PTGER4: variants seen among roughly 807,000 people sequenced by gnomAD.
PTGER4 encodes prostaglandin E2 receptor EP4 subtype.
Under a neutral mutation model 33.2 loss-of-function variants are expected in PTGER4, and 11 were observed. That is an observed-to-expected ratio of 0.33 (90% CI 0.21 to 0.55). The LOEUF (loss-of-function observed/expected upper bound fraction) is 0.55, where lower values mean the gene tolerates loss of function less well. Among genes scored for constraint, PTGER4 ranks in the 20% least tolerant of loss-of-function variants. PTGER4 has a pLI of 0.92. For missense variants in PTGER4, 481 were observed against 650.2 expected (o/e 0.74, Z 2.83); for synonymous variants, 275 against 281.5 (o/e 0.98, Z 0.23).
chr5:40,702,917 T>C, the PTGER4 span, among the ~76,000 whole-genome samples: 1,580 of 152,308 alleles, frequency 0.01, 19 homozygotes, highest in African/African-American at 0.033. Flanking sequence ...GAATGACTTT[T>C]GAGTAAATAA....
downstream of PTGER4, among the ~76,000 whole-genome samples, chr5:40,698,112 A>AAAAAAAAAAAAAAAAAAAT (rs1741655227): frequency 6.8e-6 from 1 of 146,208 alleles, no homozygotes; most frequent in Non-Finnish European, 1.5e-5. Context: ...AAAAAAAAAA[A>AAAAAAAAAAAAAAAAAAAT]AAAAAAACCA....
At position 40,693,580 on chromosome 5, in the gene PTGER4, T is replaced by A. The variant is rs1409961340; in HGVS notation, c.*1202T>A. 5.1e-6 allele frequency: 5 copies of A among 985,862 alleles called. No homozygotes were observed. The East Asian group carries it at 3.3e-4, about 66-fold the overall frequency. 61.1% of individuals were successfully genotyped at this position (985,862 alleles called of 1,614,324 possible). ...TGATGCTGTACACATATTTGAAGGG[T>A]CTTTCTCAAAGAAATATTAAGCATG... On this transcript the variant is annotated 3_prime_UTR_variant, in exon 3 of 3. Coordinates refer to ENST00000302472, the MANE Select transcript of PTGER4 (RefSeq NM_000958.3).
At chr5:40,706,654 G>A in the PTGER4 span, among the ~76,000 whole-genome samples, 1 of 151,690 alleles carries the variant, frequency 6.6e-6, no homozygotes, top group Non-Finnish European at 1.5e-5. Flanking sequence ...AGTAAGGACA[G>A]GTTTCTTAGC....
the PTGER4 span, among the ~76,000 whole-genome samples, chr5:40,714,262 A>T: frequency 1.3e-5 from 2 of 152,218 alleles, no homozygotes; most frequent in Non-Finnish European, 2.9e-5. Context: ...CTCCTTTTTT[A>T]AAATCAGAGG....
chr5:40,710,144 A>G, the PTGER4 span, among the ~76,000 whole-genome samples: 2 of 152,224 alleles, frequency 1.3e-5, no homozygotes. Context: ...CAGGCAACCT[A>G]CAAAATGGGA....
the PTGER4 span, among the ~76,000 whole-genome samples, chr5:40,725,949 C>A: frequency 6.6e-6 from 1 of 151,862 alleles, no homozygotes; most frequent in Non-Finnish European, 1.5e-5. Flanking sequence ...CCACGTCCAG[C>A]TAATTTTTTG....
the PTGER4 span, among the ~76,000 whole-genome samples, chr5:40,707,327 C>T: frequency 2.0e-3 from 305 of 151,788 alleles, 3 homozygotes; most frequent in African/African-American, 6.7e-3. Flanking sequence ...AATAAAGGGA[C>T]GGAGGAAGAT....
chr5:40,693,305 G>A lies in PTGER4; in HGVS notation c.*927G>A. On this transcript the variant is annotated 3_prime_UTR_variant, in exon 3 of 3. Coordinates refer to ENST00000302472, the MANE Select transcript of PTGER4 (RefSeq NM_000958.3). ...TTAATAAATAACCCATAATTGAAGT[G>A]TATAATATAAAAAATTTTAAAAATC... 3 of 971,912 alleles carry A rather than the reference G, an allele frequency of 3.1e-6. No individual in the cohort carries two copies. Among genetic ancestry groups the A allele is most frequent in the Non-Finnish European group, 3.7e-6 (3 of 817,512 alleles). 60.2% of individuals were successfully genotyped at this position (971,912 alleles called of 1,614,324 possible).
the PTGER4 span, among the ~76,000 whole-genome samples, chr5:40,699,157 A>G: frequency 6.6e-6 from 1 of 151,702 alleles, no homozygotes; most frequent in African/African-American, 2.4e-5. Context: ...GGAAAATTCT[A>G]AAGGACAAAT....
the PTGER4 span, among the ~76,000 whole-genome samples, chr5:40,745,231 C>T: frequency 0.34 from 52,084 of 151,940 alleles, 10,024 homozygotes; most frequent in Admixed American, 0.45. Flanking sequence ...TGGGGGAAAA[C>T]AGGCAAAACC....
At chr5:40,684,128 C>G (rs1250845844) in intron 2 of PTGER4, among the ~76,000 whole-genome samples, 7 of 108,868 alleles carry the variant, frequency 6.4e-5, no homozygotes, top group Admixed American at 3.2e-4. Flanking sequence ...CCACCCACCC[C>G]CCCCCCCACA....
the PTGER4 span, among the ~76,000 whole-genome samples, chr5:40,710,968 C>T: frequency 3.9e-5 from 6 of 151,954 alleles, no homozygotes; most frequent in Admixed American, 1.3e-4. Flanking sequence ...AGGAGATATA[C>T]CTAATGTAAA....
At chr5:40,689,463 G>GA (rs1343861821) in intron 2 of PTGER4, among the ~76,000 whole-genome samples, 5 of 151,900 alleles carry the variant, frequency 3.3e-5, no homozygotes, top group Non-Finnish European at 5.9e-5. Context: ...TTTAAAGGAA[G>GA]AAAAAAATAA....
chr5:40,699,799 A>G, the PTGER4 span, among the ~76,000 whole-genome samples: 3 of 152,180 alleles, frequency 2.0e-5, no homozygotes, highest in Admixed American at 2.0e-4. Flanking sequence ...TTCATAATAA[A>G]CAGGTGTTCA....
At chr5:40,702,129 T>C in the PTGER4 span, among the ~76,000 whole-genome samples, 2 of 152,020 alleles carry the variant, frequency 1.3e-5, no homozygotes, top group African/African-American at 4.8e-5. Flanking sequence ...CAAGCCAATA[T>C]AATAACCAGC....
the PTGER4 span, chr5:40,716,624 G>A: frequency 4.7e-6 from 3 of 634,680 alleles, no homozygotes; most frequent in African/African-American, 5.5e-5. Context: ...TAATGTACTA[G>A]AACACAAAAG....
chr5:40,697,598 A>AC (rs1459694917), downstream of PTGER4, among the ~76,000 whole-genome samples: 563 of 151,616 alleles, frequency 3.7e-3, 2 homozygotes, highest in African/African-American at 0.011. Context: ...AAAAAACAAA[A>AC]AAACAAAGAA....
In PTGER4 at chr5:40,692,256, G is replaced by C; in HGVS notation, c.1345G>C (p.Glu449Gln). Reference sequence around the variant, plus strand: ...AGACTCTTCACAGGGTCAGGACTCAGAGAGTGTCTTACTGGTGGATGAGGC... The same window carrying C: ...AGACTCTTCACAGGGTCAGGACTCACAGAGTGTCTTACTGGTGGATGAGGC... ...TSDSSQGQDSESVLLVDEAGG... is the reference protein window; with the variant it reads ...TSDSSQGQDSQSVLLVDEAGG... The change falls in exon 3 of 3, where the codon GAG (glutamate) becomes CAG (glutamine). Residue 449 changes from glutamate to glutamine, a missense_variant. This residue lies in a region of PTGER4 where 172 missense variants were observed against 199.2 expected (regional missense o/e 0.86). Transcript: ENST00000302472. The C allele has an allele frequency of 6.2e-7, 1 of 1,614,258 alleles. No homozygotes were observed. Among genetic ancestry groups the C allele is most frequent in the Non-Finnish European group, 8.5e-7 (1 of 1,180,038 alleles).
chr5:40,691,425 C>T lies in PTGER4; in HGVS notation c.868-354C>T, dbSNP rs1324110213. Among the ~76,000 whole-genome samples the T allele has an allele frequency of 6.6e-6, 1 of 152,236 alleles. No homozygotes were observed. Among genetic ancestry groups the T allele is most frequent in the African/African-American group, 2.4e-5 (1 of 41,470 alleles). The stretch of plus-strand genomic sequence containing the variant: ...TCAATCTCTTGACCTAGTGATCCGC[C>T]TACCTCGGCCTACCAAAATGCTGGG... On this transcript the variant is annotated intron_variant, in intron 2 of 2. Coordinates refer to ENST00000302472, the MANE Select transcript of PTGER4 (RefSeq NM_000958.3). This position sits in a 1 kb window ranked among gnomAD's most constrained non-coding sequence, Gnocchi z 4.2.
Sources: allele counts gnomAD v4.1 joint callset (sites outside exome capture counted in the v4.1 genomes callset), GRCh38; gene constraint gnomAD v4.1.1; regional missense constraint gnomAD v4.1.1; non-coding constraint Gnocchi (gnomAD v3.1); transcripts MANE v1.5; gene names NCBI Gene and HGNC (gene_info 2026-07-23, HGNC 2026-07-21).